Variants in MACF1 observed in about 807,000 individuals in gnomAD.
MACF1 encodes the protein microtubule-actin cross-linking factor 1.
In MACF1, 193 loss-of-function variants were observed where a neutral mutation model predicts 854.8. The ratio of observed to expected loss-of-function variants is 0.23; its 90% CI spans 0.20 to 0.25. MACF1 has a LOEUF of 0.25. MACF1 is among the 10% of genes least tolerant of loss of function. MACF1 has a pLI of 1.00. For synonymous variants in MACF1, 3,185 were observed against 3,226.7 expected, an observed-to-expected ratio of 0.99 and a Z score of 0.44; for missense variants, 7,722 against 8,929.1, an observed-to-expected ratio of 0.86 and a Z score of 5.45.
At position 39,340,926 on chromosome 1, in the gene MACF1, C is replaced by G. The variant is rs771002439; in HGVS notation, c.10554C>G (p.Ser3518Arg). ...KGSNSEIDVD[S>R]LNLCLQQYED... ...CTAACAGTGAAATAGATGTTGACAG[C>G]CTGAACCTCTGCCTCCAACAGTATG... Residue 3518 changes from serine to arginine, a missense_variant, in exon 40 of 101, where the codon AGC becomes AGG. Ser to Arg is a moderately radical substitution (Grantham distance 110). Transcript: ENST00000564288. 6.2e-7 allele frequency: 1 copy of G among 1,612,068 alleles called. No individual in the cohort carries two copies. Among genetic ancestry groups the G allele is most frequent in the Non-Finnish European group, 8.5e-7 (1 of 1,179,094 alleles).
intron 2 of MACF1, among the ~76,000 whole-genome samples, chr1:39,239,549 C>T (rs922820732): frequency 3.3e-5 from 5 of 152,094 alleles, no homozygotes; most frequent in African/African-American, 7.2e-5. Flanking sequence ...GCTTATATAC[C>T]AGAACCATCA....
At chr1:39,479,112 G>A (rs888150203) in intron 97 of MACF1, among the ~76,000 whole-genome samples, 1 of 152,170 alleles carries the variant, frequency 6.6e-6, no homozygotes, top group Non-Finnish European at 1.5e-5. Context: ...CCGACTCCAC[G>A]TTCTTTGCAT....
At chr1:39,187,398 T>C (rs1002735643) in intron 2 of MACF1, among the ~76,000 whole-genome samples, 5 of 152,212 alleles carry the variant, frequency 3.3e-5, no homozygotes, top group African/African-American at 4.8e-5. Flanking sequence ...CTTTCTCTTA[T>C]TCACTCTGGA....
intron 2 of MACF1, among the ~76,000 whole-genome samples, chr1:39,198,380 C>CGGT (rs1248071256): frequency 6.6e-6 from 1 of 151,204 alleles, no homozygotes; most frequent in Non-Finnish European, 1.5e-5. Flanking sequence ...GTGCCGGGCG[C>CGGT]GGTGGCTCAC....
chr1:39,388,235 G>A lies in MACF1; in HGVS notation c.15393G>A (p.Met5131Ile). Reference protein sequence around the residue: ...IGQFHCRVREMFSQLADLDDE... With the variant: ...IGQFHCRVREIFSQLADLDDE... ...AGTTTCACTGCCGGGTCCGAGAGAT[G>A]TTCTCTCAATTGGCAGACCTGGATG... Residue 5131 changes from methionine (M) to isoleucine (I), a missense_variant, in exon 58 of 101, where the codon ATG (methionine) becomes ATA (isoleucine). Met to Ile is a conservative substitution (Grantham distance 10, BLOSUM62 1). Coordinates refer to ENST00000564288, the MANE Select transcript of MACF1 (RefSeq NM_001394062.1). The A allele has an allele frequency of 6.2e-7, 1 of 1,614,166 alleles. No individual in the cohort carries two copies. The highest frequency in any genetic ancestry group is 8.5e-7 in the Non-Finnish European group (1 of 1,180,008).
chr1:39,412,258 T>G (rs1166539586), intron 58 of MACF1: 2 of 1,613,874 alleles, frequency 1.2e-6, no homozygotes, highest in Non-Finnish European at 1.7e-6. Context: ...AGATGTTACC[T>G]CAGGACCTGA....
chr1:39,339,870 G>A (rs952641912), intron 38 of MACF1, among the ~76,000 whole-genome samples: 3 of 152,122 alleles, frequency 2.0e-5, no homozygotes, highest in Non-Finnish European at 4.4e-5. Flanking sequence ...TGGTTTACTG[G>A]TTCTCTCAAT....
rs1244744922 is a variant in MACF1 at position 39,287,445 on chromosome 1, T to C, written c.1668T>C (p.Ser556=). 1 of 1,614,058 alleles carries C rather than the reference T, an allele frequency of 6.2e-7. No individual in the cohort carries two copies. Among genetic ancestry groups the C allele is most frequent in the Non-Finnish European group, 8.5e-7 (1 of 1,180,030 alleles). ...EPLTKATHSS[S]TSWFRKPMTR... ...TAACCAAGGCAACCCATTCTTCTTC[T>C]ACCTCCTGGTTCCGAAAGCCTATGA... is the stretch of plus-strand genomic sequence containing the variant. The change falls in exon 15 of 101, where the codon TCT becomes TCC. Residue 556 remains serine (S), a synonymous_variant. Coordinates refer to ENST00000564288, the MANE Select transcript of MACF1 (RefSeq NM_001394062.1).
At chr1:39,481,834 G>A (rs1645017857) in intron 99 of MACF1, among the ~76,000 whole-genome samples, 1 of 152,072 alleles carries the variant, frequency 6.6e-6, no homozygotes, top group Non-Finnish European at 1.5e-5. Context: ...CCTTAGCCAG[G>A]GAAACAAGGG....
intron 2 of MACF1, among the ~76,000 whole-genome samples, chr1:39,246,072 C>G (rs1644978361): frequency 6.6e-6 from 1 of 152,184 alleles, no homozygotes; most frequent in African/African-American, 2.4e-5. Flanking sequence ...ATTACACTTT[C>G]TTGTATTTTT....
chr1:39,158,781 C>T (rs548088099), intron 2 of MACF1, among the ~76,000 whole-genome samples: 5 of 152,170 alleles, frequency 3.3e-5, no homozygotes, highest in East Asian at 3.9e-4. Context: ...CAAATGAGGG[C>T]GCTCAAAAGG....
chr1:39,424,176 T>C lies in MACF1; in HGVS notation c.16298T>C (p.Leu5433Pro), dbSNP rs1184169752. 1 of 1,613,548 alleles carries C rather than the reference T, an allele frequency of 6.2e-7. No individual in the cohort carries two copies. The highest frequency in any genetic ancestry group is 2.2e-5 in the East Asian group (1 of 44,854). ...CTTGAAAGTAGATGGACTGAACTAC[T>C]CAGTAAGGCAGCAGCCAGGTAAGAT... ...ESLESRWTEL[L>P]SKAAARQKQL... Residue 5433 changes from leucine to proline, a missense_variant, in exon 61 of 101, where the codon CTC (leucine) becomes CCC (proline). Around this residue, in one of 15 missense-constraint regions of MACF1, gnomAD observed 2,807 missense variants for 3,235.8 expected, o/e 0.87. Transcript: ENST00000564288.
intron 2 of MACF1, among the ~76,000 whole-genome samples, chr1:39,096,752 C>T (rs1265054750): frequency 6.6e-6 from 1 of 152,072 alleles, no homozygotes; most frequent in African/African-American, 2.4e-5. Context: ...CACTTTTTAA[C>T]CATTATATTA....
chr1:39,340,522 G>A lies in MACF1; in HGVS notation c.10236G>A (p.Lys3412=), dbSNP rs138394657. 101 of 1,613,482 alleles carry A rather than the reference G, an allele frequency of 6.3e-5. No homozygotes were observed. In the African/African-American group the frequency reaches 1.3e-3, roughly 20 times the overall value. ...CQAKVLEREL[K]DLTTLVSQEL... Reference sequence around the variant, plus strand: ...CTCAGGTATTAGAAAGGGAGTTAAAGGATCTGACCACCTTGGTCAGTCAGG... The same window carrying A: ...CTCAGGTATTAGAAAGGGAGTTAAAAGATCTGACCACCTTGGTCAGTCAGG... The change falls in exon 39 of 101, where the codon AAG becomes AAA. Residue 3412 remains lysine (K), a synonymous_variant. Coordinates refer to ENST00000564288, the MANE Select transcript of MACF1 (RefSeq NM_001394062.1).
intron 40 of MACF1, among the ~76,000 whole-genome samples, chr1:39,342,821 G>T (rs1021564202): frequency 6.6e-6 from 1 of 152,090 alleles, no homozygotes; most frequent in Non-Finnish European, 1.5e-5. Flanking sequence ...CGTCTGGCCA[G>T]CAAACTTTTT....
At position 39,452,333 on chromosome 1, in the gene MACF1, G is replaced by C; in HGVS notation, c.20596G>C (p.Glu6866Gln). 8.7e-6 allele frequency: 14 copies of C among 1,613,868 alleles called. No homozygotes were observed. The highest frequency in any genetic ancestry group is 1.2e-5 in the Non-Finnish European group (14 of 1,179,896). Residue 6866 changes from glutamate to glutamine, a missense_variant, in exon 86 of 101, where the codon GAG (glutamate) becomes CAG (glutamine). Transcript: ENST00000564288. ...KLSVSKQSRLEQALKQAEVFR... is the reference protein window; with the variant it reads ...KLSVSKQSRLQQALKQAEVFR... The stretch of plus-strand genomic sequence containing the variant: ...CTCTGTTTCCAAACAAAGCCGGCTT[G>C]AGCAGGCCTTAAAACAAGTAAGGGA...
chr1:39,429,630 T>G (rs1406258857), intron 64 of MACF1, among the ~76,000 whole-genome samples, 197 bp from the exon 65 acceptor site: 2 of 152,192 alleles, frequency 1.3e-5, no homozygotes, highest in African/African-American at 4.8e-5. Flanking sequence ...ATTTTAATAA[T>G]TCAGAAGTGG....
upstream of MACF1, among the ~76,000 whole-genome samples, chr1:39,200,940 G>A (rs1312241434): frequency 6.6e-6 from 1 of 152,092 alleles, no homozygotes; most frequent in Non-Finnish European, 1.5e-5. Flanking sequence ...AGTTTCACTT[G>A]AATGTCTTTA....
chr1:39,225,217 C>CTTTTTTTCT (rs1553171336), intron 1 of MACF1, among the ~76,000 whole-genome samples: 2 of 125,198 alleles, frequency 1.6e-5, no homozygotes, highest in East Asian at 4.6e-4. Flanking sequence ...TTTCTTTTTT[C>CTTTTTTTCT]TTTTTTTTTT....
Sources: gnomAD v4.1 joint callset for allele counts (sites outside exome capture counted in the v4.1 genomes callset) on GRCh38, gnomAD v4.1.1 for gene constraint, gnomAD v4.1.1 regional missense constraint, MANE v1.5 for transcripts, NCBI Gene and HGNC (gene_info 2026-07-23, HGNC 2026-07-21) for gene names.